Variants in TRPM6 observed in about 807,000 individuals in gnomAD.
TRPM6 encodes transient receptor potential cation channel subfamily M member 6.
A neutral mutation model predicts 247.6 loss-of-function variants in TRPM6; 111 were observed. The ratio of observed to expected loss-of-function variants is 0.45; its 90% CI spans 0.38 to 0.52. The LOEUF (loss-of-function observed/expected upper bound fraction) is 0.52, where lower values mean the gene tolerates loss of function less well. Among genes scored for constraint, TRPM6 ranks in the 20% least tolerant of loss-of-function variants. The pLI is 0.00. For synonymous variants in TRPM6, 892 were observed against 853.8 expected (o/e 1.04, Z -0.78); for missense variants, 2,126 against 2,421.5 (o/e 0.88, Z 2.56).
chr9:74,756,702 A>AAAAAAAAAC (rs1407798513), intron 27 of TRPM6, among the ~76,000 whole-genome samples: 1 of 149,940 alleles, frequency 6.7e-6, no homozygotes, highest in African/African-American at 2.5e-5. Context: ...AAAAAAAAAA[A>AAAAAAAAAC]TAGCCAGGTG....
At chr9:74,880,332 C>T (rs751299548) in intron 1 of TRPM6, among the ~76,000 whole-genome samples, 19 of 151,958 alleles carry the variant, frequency 1.3e-4, no homozygotes, top group African/African-American at 3.6e-4. Flanking sequence ...TGTAGACGTC[C>T]GGAAACAGGA....
chr9:74,789,960 CAAAAAAAAAAA>C lies in TRPM6; in HGVS notation c.2539-1229_2539-1219del, dbSNP rs71368680. Among the ~76,000 whole-genome samples the C allele has an allele frequency of 4.2e-3, 272 of 65,140 alleles. 1 individual carries two copies. The highest frequency in any genetic ancestry group is 0.015 in the African/African-American group (230 of 15,570). 42.7% of individuals were successfully genotyped at this position (65,140 alleles called of 152,430 possible). ...TGGGTGACAGAGCAAGACTCCATCT[CAAAAAAAAAAA>C]AAAAAAAAAAAAAAGAAAATCAGTT... On this transcript the variant is annotated intron_variant, in intron 19 of 38. Transcript: ENST00000360774.
chr9:74,809,750 G>A (rs915055443), intron 13 of TRPM6, among the ~76,000 whole-genome samples: 1 of 152,000 alleles, frequency 6.6e-6, no homozygotes, highest in Non-Finnish European at 1.5e-5. Context: ...AGACCAAGGC[G>A]GGTGGATCAC....
intron 5 of TRPM6, among the ~76,000 whole-genome samples, chr9:74,835,601 G>T (rs1194753957): frequency 3.3e-5 from 5 of 152,050 alleles, no homozygotes; most frequent in African/African-American, 4.8e-5. Context: ...TTCAGTAAGT[G>T]TTGGCTACCT....
At chr9:74,821,917 AG>A in intron 7 of TRPM6, 80 bp from the exon 8 acceptor site, 2 of 1,502,796 alleles carry the variant, frequency 1.3e-6, no homozygotes, top group Non-Finnish European at 1.8e-6. Flanking sequence ...TCCAGACACA[AG>A]TCTCTCAATT....
intron 1 of TRPM6, among the ~76,000 whole-genome samples, chr9:74,864,834 G>A (rs1830793626): frequency 6.6e-6 from 1 of 152,126 alleles, no homozygotes; most frequent in Non-Finnish European, 1.5e-5. Context: ...TACTTTGGGA[G>A]GCTGAGGTGG....
chr9:74,731,847 G>T (rs1825532713), intron 37 of TRPM6, among the ~76,000 whole-genome samples: 1 of 152,086 alleles, frequency 6.6e-6, no homozygotes, highest in East Asian at 1.9e-4. Context: ...CTGGGAACTT[G>T]TAAGAAATGC....
At chr9:74,880,307 A>G (rs183450574) in intron 1 of TRPM6, among the ~76,000 whole-genome samples, 1 of 152,294 alleles carries the variant, frequency 6.6e-6, no homozygotes, top group Non-Finnish European at 1.5e-5. Flanking sequence ...AAAACCTCCC[A>G]GGTCTAGCAA....
In TRPM6 at chr9:74,806,328, G is replaced by A. The variant is rs377455202; in HGVS notation, c.1638+1706C>T. ...TTATTTAGAGACTGGATCTCACCGT[G>A]TTGCCCAGGCTGGTCTCGAATTCCT... On this transcript the variant is annotated intron_variant, in intron 14 of 38. Coordinates refer to ENST00000360774, the MANE Select transcript of TRPM6 (RefSeq NM_017662.5). 1.7e-3 allele frequency among the ~76,000 whole-genome samples: 254 copies of A among 151,900 alleles called. 4 individuals are homozygous for A. In the South Asian group the frequency reaches 0.029, roughly 18 times the overall value.
chr9:74,730,221 G>T (rs986184689), intron 37 of TRPM6, among the ~76,000 whole-genome samples: 2 of 152,144 alleles, frequency 1.3e-5, no homozygotes, highest in Non-Finnish European at 2.9e-5. Flanking sequence ...TCTATACATA[G>T]ATCTACTAAA....
At chr9:74,856,445 ATGTGTGTGTGTGTGTGTGTGTCTGTG>A (rs1830525225) in intron 2 of TRPM6, among the ~76,000 whole-genome samples, 1 of 125,190 alleles carries the variant, frequency 8.0e-6, no homozygotes, top group East Asian at 2.5e-4. Context: ...GTCTCAAAAT[ATGTGTGTGTGTGTGTGTGTGTCTGTG>A]TGTGTGTGTG....
At chr9:74,871,153 G>A (rs1831016003) in intron 1 of TRPM6, among the ~76,000 whole-genome samples, 1 of 151,982 alleles carries the variant, frequency 6.6e-6, no homozygotes, top group Admixed American at 6.6e-5. Flanking sequence ...ATCATCCATG[G>A]GATATGCTAA....
intron 36 of TRPM6, chr9:74,737,261 C>T: frequency 1.7e-6 from 1 of 604,692 alleles, no homozygotes; most frequent in Non-Finnish European, 2.5e-6. Context: ...ACCTATATGT[C>T]ATTTAAAAAA....
At position 74,752,304 on chromosome 9, in the gene TRPM6, G is replaced by T. The variant is rs1408865827; in HGVS notation, c.4971C>A (p.Ile1657=). 6.3e-7 allele frequency: 1 copy of T among 1,599,848 alleles called. No individual in the cohort carries two copies. Among genetic ancestry groups the T allele is most frequent in the Non-Finnish European group, 8.5e-7 (1 of 1,170,116 alleles). The change falls in exon 29 of 39, where the codon ATC becomes ATA. Residue 1657 remains isoleucine, a synonymous_variant. Coordinates refer to ENST00000360774, the MANE Select transcript of TRPM6 (RefSeq NM_017662.5). The part of the protein sequence containing the change: ...TKEIGQCAIQ[I]SDYLKQSQED... ...CTTGAGACTGCTTTAGGTAATCACT[G>T]ATTTGTATAGCACATTGTCCAATTT...
chr9:74,872,526 G>A (rs1164530730), intron 1 of TRPM6, among the ~76,000 whole-genome samples: 1 of 151,840 alleles, frequency 6.6e-6, no homozygotes. Flanking sequence ...GCCTCGCAAT[G>A]CTCAAGCAAT....
chr9:74,881,410 T>TG (rs1341227374), intron 1 of TRPM6, among the ~76,000 whole-genome samples: 3 of 152,068 alleles, frequency 2.0e-5, no homozygotes, highest in Non-Finnish European at 4.4e-5. Flanking sequence ...TAAACATATA[T>TG]GCACCTAACA....
At chr9:74,734,110 A>G (rs1038511203) in intron 36 of TRPM6, among the ~76,000 whole-genome samples, 16 of 152,352 alleles carry the variant, frequency 1.1e-4, no homozygotes, top group African/African-American at 3.8e-4. Flanking sequence ...ATCAGCACCT[A>G]AAGTGAATCT....
intron 19 of TRPM6, among the ~76,000 whole-genome samples, chr9:74,790,037 G>GTGTGTGT (rs1564015649): frequency 8.1e-6 from 1 of 122,932 alleles, no homozygotes; most frequent in South Asian, 2.8e-4. Context: ...TGTGTGTGTG[G>GTGTGTGT]GTTCATTCTC....
intron 1 of TRPM6, among the ~76,000 whole-genome samples, chr9:74,881,711 A>G (rs1831371205): frequency 6.6e-6 from 1 of 152,200 alleles, no homozygotes; most frequent in African/African-American, 2.4e-5. Context: ...TAATTTTTAA[A>G]AATCAAAATC....
Sources: allele counts gnomAD v4.1 joint callset (sites outside exome capture counted in the v4.1 genomes callset), GRCh38; gene constraint gnomAD v4.1.1; transcripts MANE v1.5; gene names NCBI Gene and HGNC (gene_info 2026-07-23, HGNC 2026-07-21).